The following DNAH7 variants were observed in gnomAD, a reference collection of about 807,000 sequenced individuals.
DNAH7 encodes the protein axonemal beta dynein heavy chain 7.
In DNAH7, 397 loss-of-function variants were observed where a neutral mutation model predicts 444.6. The ratio of observed to expected loss-of-function variants is 0.89; its 90% confidence interval spans 0.82 to 0.97. The LOEUF (loss-of-function observed/expected upper bound fraction) is 0.97, where lower values mean the gene tolerates loss of function less well. DNAH7 is among the 50% of genes least tolerant of loss of function. The probability of loss-of-function intolerance (pLI) is 0.00; values close to 1 mark genes in which losing one functional copy is unlikely to be tolerated. For synonymous variants in DNAH7, 1,636 were observed against 1,624.4 expected (o/e 1.01, Z -0.17); for missense variants, 4,902 against 4,800.8 (o/e 1.02, Z -0.62).
chr2:195,944,163 G>T lies in DNAH7; in HGVS notation c.3079-7371C>A, dbSNP rs137954938. ...ATTATTGAAGTTATGCCCATGAGAAGAATTTCTTTCCTATTGTTAAGTCCA... is the reference window on the plus strand; with the variant it reads ...ATTATTGAAGTTATGCCCATGAGAATAATTTCTTTCCTATTGTTAAGTCCA... On this transcript the variant is annotated intron_variant, in intron 19 of 64. Coordinates refer to ENST00000312428, the MANE Select transcript of DNAH7 (RefSeq NM_018897.3). 2.2e-3 allele frequency among the ~76,000 whole-genome samples: 316 copies of T among 144,414 alleles called. 1 individual carries two copies. Among genetic ancestry groups the T allele is most frequent in the African/African-American group, 8.2e-3 (296 of 36,012 alleles). 94.7% of individuals were successfully genotyped at this position (144,414 alleles called of 152,430 possible).
At chr2:196,020,019 T>C (rs1695276340) in intron 8 of DNAH7, among the ~76,000 whole-genome samples, 1 of 147,392 alleles carries the variant, frequency 6.8e-6, no homozygotes, top group Non-Finnish European at 1.5e-5. Flanking sequence ...ACCACCACCA[T>C]GTAAAGATTA....
At position 195,891,808 on chromosome 2, in the gene DNAH7, A is replaced by G. The variant is rs1702027871; in HGVS notation, c.4897-4T>C. ...CTTTGTTTTCTTCCATTAGCCCCTT[A>G]ATGAAAAAAAAAAACATTTATTTAT... is the stretch of plus-strand genomic sequence containing the variant. On this transcript the variant is annotated splice_region_variant and splice_polypyrimidine_tract_variant and intron_variant, in intron 30 of 64. Transcript: ENST00000312428. The G allele has an allele frequency of 4.2e-6, 6 of 1,443,708 alleles. No individual in the cohort carries two copies. The East Asian group carries it at 1.5e-4, about 37-fold the overall frequency. 89.4% of individuals were successfully genotyped at this position (1,443,708 alleles called of 1,614,324 possible). A position where few individuals can be genotyped will look rare whatever the true frequency, so the allele number is the denominator to read the frequency against.
chr2:195,986,643 A>G (rs1011506225), intron 14 of DNAH7, among the ~76,000 whole-genome samples: 2 of 152,226 alleles, frequency 1.3e-5, no homozygotes, highest in Non-Finnish European at 2.9e-5. Context: ...TCCAGATAAA[A>G]GAAAAAGTTA....
chr2:195,840,895 A>G (rs933432162), intron 47 of DNAH7, among the ~76,000 whole-genome samples: 2 of 151,874 alleles, frequency 1.3e-5, no homozygotes, highest in Non-Finnish European at 3.0e-5. Context: ...ATTAGTACCA[A>G]TACAAATCCC....
chr2:195,853,241 G>C lies in DNAH7; in HGVS notation c.8781+102C>G, dbSNP rs1699491856. On this transcript the variant is annotated intron_variant, in intron 46 of 64. Transcript: ENST00000312428. ...ATCATGCAAAAATACCTTCCTCCTT[G>C]TACTTAACAAAAAACTGAAACCAAA... 15 of 1,060,374 alleles carry C rather than the reference G, an allele frequency of 1.4e-5. No individual in the cohort carries two copies. In the South Asian group the frequency reaches 3.3e-4, roughly 23 times the overall value. The allele number at this position is 1,060,374 out of a possible 1,614,324, so 65.7% of individuals were successfully genotyped here. A position where few individuals can be genotyped will look rare whatever the true frequency, so the allele number is the denominator to read the frequency against.
rs1387061552 is a variant in DNAH7 at position 195,987,989 on chromosome 2, G to A, written c.1594C>T (p.Leu532=). ...GATGTGTACTGTATTTCCTCTATTA[G>A]TTTCTGGTATTTGCAAATTTCATCT... is the stretch of plus-strand genomic sequence containing the variant. The part of the protein sequence containing the change: ...IIDEICKYQK[L]IEEIQYTSIK... The change falls in exon 13 of 65, where the codon CTA becomes TTA. Residue 532 remains leucine (L), a synonymous_variant. Transcript: ENST00000312428. 10 of 1,612,158 alleles carry A rather than the reference G, an allele frequency of 6.2e-6. No homozygotes were observed. In the African/African-American group the frequency reaches 1.3e-4, roughly 22 times the overall value.
intron 33 of DNAH7, among the ~76,000 whole-genome samples, chr2:195,887,528 A>G (rs2125204624): frequency 6.6e-6 from 1 of 152,168 alleles, no homozygotes; most frequent in African/African-American, 2.4e-5. Flanking sequence ...GGTAATCTAC[A>G]TTAACATGGT....
chr2:195,915,072 C>T (rs975812564), intron 24 of DNAH7, among the ~76,000 whole-genome samples: 3 of 152,148 alleles, frequency 2.0e-5, no homozygotes, highest in East Asian at 1.9e-4. Context: ...TGCCAGGAAA[C>T]GAGTTGGTGC....
At chr2:195,827,580 C>T (rs1697833328) in intron 48 of DNAH7, among the ~76,000 whole-genome samples, 1 of 151,616 alleles carries the variant, frequency 6.6e-6, no homozygotes, top group African/African-American at 2.4e-5. Context: ...CTGCCTCCAG[C>T]CTATTTTATT....
rs551788741 is a variant in DNAH7 at position 195,744,515 on chromosome 2, T to C, written c.11765-3646A>G. 2.2e-3 allele frequency among the ~76,000 whole-genome samples: 328 copies of C among 152,304 alleles called. 1 individual carries two copies. Among genetic ancestry groups the C allele is most frequent in the African/African-American group, 7.8e-3 (323 of 41,564 alleles). The stretch of plus-strand genomic sequence containing the variant: ...GAGGAGAGCAGTGGTTCTCCCAGCA[T>C]GCATCCGGAGATATGAGAACGGGCA... On this transcript the variant is annotated intron_variant, in intron 63 of 64. Transcript: ENST00000312428.
intron 15 of DNAH7, among the ~76,000 whole-genome samples, chr2:195,979,920 T>C (rs10207463): frequency 0.067 from 10,196 of 151,512 alleles, 482 homozygotes; most frequent in African/African-American, 0.14. Flanking sequence ...CACAAAGAAA[T>C]ACAAAACCTT....
In DNAH7 at chr2:196,000,910, C is replaced by T. The variant is rs773733878; in HGVS notation, c.1174-27G>A. Reference sequence around the variant, plus strand: ...TGCAAAAAATTAAAAAATTTACATACATAAATATGTATGAATTGTGACAGA... The same window carrying T: ...TGCAAAAAATTAAAAAATTTACATATATAAATATGTATGAATTGTGACAGA... On this transcript the variant is annotated intron_variant, in intron 11 of 64. Transcript: ENST00000312428. 40 of 1,527,770 alleles carry T rather than the reference C, an allele frequency of 2.6e-5. No homozygotes were observed. The South Asian group carries it at 5.1e-4, about 19-fold the overall frequency. 94.6% of individuals were successfully genotyped at this position (1,527,770 alleles called of 1,614,324 possible).
intron 1 of DNAH7, 130 bp downstream of exon 1, chr2:196,068,567 G>A (rs1364898145): frequency 2.5e-6 from 3 of 1,217,286 alleles, no homozygotes; most frequent in South Asian, 1.5e-5. Context: ...GCCACAAGTG[G>A]GGTGAAGGAA....
chr2:195,991,946 C>A (rs1343140048), intron 12 of DNAH7, among the ~76,000 whole-genome samples: 1 of 152,196 alleles, frequency 6.6e-6, no homozygotes, highest in African/African-American at 2.4e-5. Context: ...CCGGAAAAAT[C>A]TTATGCATGA....
chr2:195,919,893 T>C (rs1210808650), intron 24 of DNAH7, among the ~76,000 whole-genome samples: 1 of 152,134 alleles, frequency 6.6e-6, no homozygotes, highest in Non-Finnish European at 1.5e-5. Flanking sequence ...TGTAAGTATC[T>C]ATGAGATATC....
intron 60 of DNAH7, among the ~76,000 whole-genome samples, chr2:195,773,900 T>C (rs1574410081): frequency 6.6e-6 from 1 of 152,240 alleles, no homozygotes; most frequent in East Asian, 1.9e-4. Context: ...TTTTCCAAGA[T>C]AAATTAGTTA....
rs370062290 is a variant in DNAH7, at chr2:195,906,886, A to C, written c.4207+21T>G. The C allele has an allele frequency of 3.3e-5, 53 of 1,611,328 alleles. No individual in the cohort carries two copies. The African/African-American group carries it at 6.8e-4, about 21-fold the overall frequency. Reference sequence around the variant, plus strand: ...TATTTCTTTTATTTTCACATAATGCAAAGACAAACTAGTCCATTACCTCTT... The same window carrying C: ...TATTTCTTTTATTTTCACATAATGCCAAGACAAACTAGTCCATTACCTCTT... On this transcript the variant is annotated intron_variant, in intron 26 of 64. Coordinates refer to ENST00000312428, the MANE Select transcript of DNAH7 (RefSeq NM_018897.3).
chr2:195,771,157 A>G (rs1694818385), intron 61 of DNAH7, among the ~76,000 whole-genome samples: 1 of 151,914 alleles, frequency 6.6e-6, no homozygotes, highest in South Asian at 2.1e-4. Context: ...CATCTCTAAA[A>G]AAATAAAAAT....
chr2:195,962,183 C>T (rs997982669), intron 17 of DNAH7, among the ~76,000 whole-genome samples: 1 of 152,014 alleles, frequency 6.6e-6, no homozygotes, highest in African/African-American at 2.4e-5. Flanking sequence ...ATTTCAGTGG[C>T]CTCAGTTTTT....
Sources: gnomAD v4.1 joint callset for allele counts (sites outside exome capture counted in the v4.1 genomes callset) on GRCh38, gnomAD v4.1.1 for gene constraint, MANE v1.5 for transcripts, NCBI Gene and HGNC (gene_info 2026-07-23, HGNC 2026-07-21) for gene names.